GPHN: variants seen among roughly 807,000 people sequenced by gnomAD.
The protein encoded by GPHN is gephyrin.
In GPHN, 17 loss-of-function variants were observed where a neutral mutation model predicts 95.5. The ratio of observed to expected loss-of-function variants is 0.18; its 90% CI spans 0.12 to 0.27. The LOEUF (loss-of-function observed/expected upper bound fraction) is 0.27, where lower values mean the gene tolerates loss of function less well. Among genes scored for constraint, GPHN ranks in the 10% least tolerant of loss-of-function variants. The pLI is 1.00. For synonymous variants in GPHN, 320 were observed against 322.5 expected, an observed-to-expected ratio of 0.99 and a Z score of 0.08; for missense variants, 660 against 978.1, an observed-to-expected ratio of 0.67 and a Z score of 4.34.
intron 1 of GPHN, among the ~76,000 whole-genome samples, chr14:66,512,078 A>G (rs913520370): frequency 4.6e-5 from 7 of 151,920 alleles, no homozygotes; most frequent in Admixed American, 2.6e-4. Flanking sequence ...AAGAGACTAG[A>G]GGTAATATGG....
At chr14:66,892,147 G>A (rs1038978930) in intron 5 of GPHN, among the ~76,000 whole-genome samples, 2 of 152,036 alleles carry the variant, frequency 1.3e-5, no homozygotes, top group African/African-American at 2.4e-5. Flanking sequence ...CAGGGGCTGG[G>A]TGTGGTGGTT....
chr14:66,703,342 A>G (rs1022664008), intron 2 of GPHN, among the ~76,000 whole-genome samples: 10 of 152,150 alleles, frequency 6.6e-5, no homozygotes. Context: ...ACACATAATC[A>G]TCAGATTCTC....
At chr14:67,687,348 CT>C in the GPHN span, among the ~76,000 whole-genome samples, 1 of 152,074 alleles carries the variant, frequency 6.6e-6, no homozygotes, top group Non-Finnish European at 1.5e-5. Context: ...CAGCTCAGAT[CT>C]TTATTACTCT....
At chr14:67,025,163 T>A (rs892203673) in intron 10 of GPHN, among the ~76,000 whole-genome samples, 1 of 152,190 alleles carries the variant, frequency 6.6e-6, no homozygotes, top group Non-Finnish European at 1.5e-5. Flanking sequence ...TAAGGAATCC[T>A]TTTTAGGACT....
chr14:66,572,964 T>C (rs958810825), intron 1 of GPHN, among the ~76,000 whole-genome samples: 3 of 152,196 alleles, frequency 2.0e-5, no homozygotes, highest in African/African-American at 7.2e-5. Context: ...CCCTTTGCCT[T>C]CTTCTTTGAC....
the GPHN span, chr14:67,393,385 C>T: frequency 8.7e-6 from 6 of 690,800 alleles, no homozygotes; most frequent in Admixed American, 1.1e-4. Context: ...AGGAAAGCAG[C>T]CTTTTGAATG....
intron 4 of GPHN, among the ~76,000 whole-genome samples, chr14:66,876,961 T>A (rs998794274): frequency 6.6e-6 from 1 of 151,878 alleles, no homozygotes; most frequent in Non-Finnish European, 1.5e-5. Flanking sequence ...CAGGCCAATA[T>A]CCCCGAGGAA....
intron 1 of GPHN, among the ~76,000 whole-genome samples, chr14:66,676,497 A>G (rs1310287423): frequency 2.0e-5 from 3 of 151,878 alleles, no homozygotes; most frequent in Non-Finnish European, 4.4e-5. Context: ...TTAATTTTTT[A>G]GAGTGTTTAT....
chr14:67,508,753 C>CAAAAA, the GPHN span, among the ~76,000 whole-genome samples: 137 of 46,716 alleles, frequency 2.9e-3, 9 homozygotes, highest in East Asian at 0.039. Flanking sequence ...AACCTTGTCT[C>CAAAAA]AAAAAAAAAA....
chr14:67,081,061 C>G (rs1359456565), intron 11 of GPHN, among the ~76,000 whole-genome samples: 1 of 152,144 alleles, frequency 6.6e-6, no homozygotes, highest in Non-Finnish European at 1.5e-5. Context: ...AATTGTGCTG[C>G]TATAAACATG....
intron 3 of GPHN, among the ~76,000 whole-genome samples, chr14:66,798,093 C>T (rs538436892): frequency 7.9e-5 from 12 of 151,914 alleles, no homozygotes; most frequent in Admixed American, 2.0e-4. Flanking sequence ...ATATGGTTTT[C>T]CCCATCATTC....
At chr14:66,929,640 C>A (rs1242227574) in intron 8 of GPHN, among the ~76,000 whole-genome samples, 1 of 150,374 alleles carries the variant, frequency 6.7e-6, no homozygotes, top group African/African-American at 2.4e-5. Flanking sequence ...TACTGCTACT[C>A]TTTTTGGGTT....
intron 1 of GPHN, among the ~76,000 whole-genome samples, chr14:66,535,686 G>A (rs1177251335): frequency 6.6e-6 from 1 of 152,058 alleles, no homozygotes; most frequent in Non-Finnish European, 1.5e-5. Context: ...TCATTTGTTA[G>A]CGTTATGGCT....
chr14:67,288,183 G>A, the GPHN span, among the ~76,000 whole-genome samples: 1 of 152,112 alleles, frequency 6.6e-6, no homozygotes, highest in African/African-American at 2.4e-5. Context: ...AGGTTCAAGC[G>A]ATTCTCCTGC....
chr14:66,858,783 A>G (rs909706505), intron 4 of GPHN, among the ~76,000 whole-genome samples: 1 of 152,048 alleles, frequency 6.6e-6, no homozygotes, highest in South Asian at 2.1e-4. Context: ...TGCCCTGAAG[A>G]GTGAGTCCCA....
chr14:66,514,438 CCTCT>C (rs2058161607), intron 1 of GPHN, among the ~76,000 whole-genome samples: 3 of 151,958 alleles, frequency 2.0e-5, no homozygotes, highest in African/African-American at 4.8e-5. Context: ...ATTGTGTAAC[CCTCT>C]CTCAGCTTTT....
chr14:66,648,695 T>G (rs2064883749), intron 1 of GPHN, among the ~76,000 whole-genome samples: 2 of 152,186 alleles, frequency 1.3e-5, no homozygotes, highest in Admixed American at 1.3e-4. Context: ...ATGTCATATT[T>G]CTGAGAACAT....
the GPHN span, among the ~76,000 whole-genome samples, chr14:67,251,730 A>G: frequency 2.0e-5 from 3 of 152,192 alleles, no homozygotes; most frequent in African/African-American, 7.2e-5. Context: ...AATCCCTTGG[A>G]ATTTTCTTAA....
chr14:67,140,138 C>G (rs1419626880), intron 17 of GPHN, among the ~76,000 whole-genome samples: 1 of 152,150 alleles, frequency 6.6e-6, no homozygotes, highest in African/African-American at 2.4e-5. Context: ...AATCCCAACA[C>G]TTTGGGAGGC....
Sources: allele counts gnomAD v4.1 joint callset (sites outside exome capture counted in the v4.1 genomes callset), GRCh38; gene constraint gnomAD v4.1.1; transcripts MANE v1.5; gene names NCBI Gene and HGNC (gene_info 2026-07-23, HGNC 2026-07-21).